The following RTN4 variants were observed in gnomAD, a reference collection of about 807,000 sequenced individuals.
RTN4 encodes reticulon-4.
In RTN4, 32 loss-of-function variants were observed where a neutral mutation model predicts 90.4. The observed-to-expected ratio is 0.35, with a 90% CI of 0.27 to 0.48. The LOEUF is 0.48. Ranked by LOEUF, RTN4 falls within the 20% of genes least tolerant of loss-of-function variation. The pLI is 0.99. For synonymous variants in RTN4, 629 were observed against 552.5 expected, an observed-to-expected ratio of 1.14 and a Z score of -1.94; for missense variants, 1,706 against 1,430.2, an observed-to-expected ratio of 1.19 and a Z score of -3.11.
intron 1 of RTN4, among the ~76,000 whole-genome samples, chr2:55,095,996 A>T (rs575157734): frequency 4.9e-4 from 74 of 152,172 alleles, no homozygotes; most frequent in Middle Eastern, 3.4e-3. Flanking sequence ...TGGGAGAGAG[A>T]CTACAGAGGT....
chr2:54,988,593 C>T (rs1678765146), intron 3 of RTN4, among the ~76,000 whole-genome samples: 1 of 152,046 alleles, frequency 6.6e-6, no homozygotes, highest in African/African-American at 2.4e-5. Flanking sequence ...GTAACTTAAC[C>T]TGGCTATCAT....
At chr2:54,989,551 T>C (rs890208366) in intron 3 of RTN4, among the ~76,000 whole-genome samples, 7 of 152,322 alleles carry the variant, frequency 4.6e-5, no homozygotes, top group African/African-American at 1.7e-4. Flanking sequence ...GCAACGCTAA[T>C]AGGTTTCTGG....
intron 3 of RTN4, among the ~76,000 whole-genome samples, chr2:55,022,698 C>A (rs578132194): frequency 6.6e-6 from 1 of 152,202 alleles, no homozygotes; most frequent in South Asian, 2.1e-4. Flanking sequence ...TTCCTCTCCA[C>A]CCCTAGTCCT....
At chr2:55,085,662 T>A (rs968536754) in intron 1 of RTN4, among the ~76,000 whole-genome samples, 50 of 152,132 alleles carry the variant, frequency 3.3e-4, no homozygotes, top group Non-Finnish European at 5.9e-5. Context: ...GCCTAACAAA[T>A]TCAAACATAA....
chr2:54,999,691 A>C (rs964376435), intron 3 of RTN4, among the ~76,000 whole-genome samples: 11 of 152,134 alleles, frequency 7.2e-5, no homozygotes, highest in Non-Finnish European at 1.3e-4. Context: ...TGTTTATAAT[A>C]ATAAGTAATT....
intron 1 of RTN4, among the ~76,000 whole-genome samples, chr2:55,086,596 C>T (rs773758881): frequency 1.3e-5 from 2 of 151,850 alleles, no homozygotes; most frequent in Non-Finnish European, 1.5e-5. Context: ...CTCAAGCCCA[C>T]GATTTCGAGG....
chr2:54,982,461 T>C, intron 5 of RTN4, 54 bp downstream of exon 5: 1 of 1,486,582 alleles, frequency 6.7e-7, no homozygotes, highest in Non-Finnish European at 9.2e-7. Context: ...TACACTCAAC[T>C]CTCTTGATAC....
chr2:55,083,446 A>C (rs1668759596), intron 1 of RTN4, among the ~76,000 whole-genome samples: 1 of 152,106 alleles, frequency 6.6e-6, no homozygotes, highest in African/African-American at 2.4e-5. Context: ...CAGTGAGCCA[A>C]GATTGCGCCA....
chr2:55,033,174 G>T (rs1249611070), intron 1 of RTN4, among the ~76,000 whole-genome samples: 1 of 151,464 alleles, frequency 6.6e-6, no homozygotes, highest in East Asian at 1.9e-4. Context: ...CCACAAAAAG[G>T]CACACCATAA....
At chr2:55,128,810 A>AG in the RTN4 span, among the ~76,000 whole-genome samples, 10 of 151,602 alleles carry the variant, frequency 6.6e-5, no homozygotes, top group East Asian at 5.8e-4. Context: ...AAAAAAAAAA[A>AG]GGGGTGGGAG....
At chr2:55,120,756 C>CGGGCGGGCTGTGTGGG in the RTN4 span, among the ~76,000 whole-genome samples, 58 of 152,134 alleles carry the variant, frequency 3.8e-4, no homozygotes, top group East Asian at 0.011. Flanking sequence ...AGGCAGGGCT[C>CGGGCGGGCTGTGTGGG]GGGCGGGCTG....
rs756582903 is a variant in RTN4, at chr2:55,025,683, T to G, written c.2416A>C (p.Ser806Arg). Residue 806 changes from serine (S) to arginine (R), a missense_variant, in exon 3 of 9, where the codon AGT becomes CGT. Transcript: ENST00000337526. ...GKPYLESFKLSLDNTKDTLLP... is the reference protein window; with the variant it reads ...GKPYLESFKLRLDNTKDTLLP... ...AGGGTATCTTTTGTGTTATCTAAAC[T>G]GAGCTTAAAAGATTCCAAATATGGC... The G allele has an allele frequency of 2.5e-6, 4 of 1,613,842 alleles. No individual in the cohort carries two copies. The highest frequency in any genetic ancestry group is 3.4e-6 in the Non-Finnish European group (4 of 1,179,822).
chr2:54,974,622 C>G (rs908750175), intron 6 of RTN4, 73 bp downstream of exon 6: 5 of 1,181,408 alleles, frequency 4.2e-6, no homozygotes, highest in Non-Finnish European at 6.3e-6. Flanking sequence ...AGAATATTCT[C>G]CACTAAAATG....
chr2:55,014,899 T>C (rs991561505), intron 3 of RTN4, among the ~76,000 whole-genome samples: 4 of 152,164 alleles, frequency 2.6e-5, no homozygotes, highest in Non-Finnish European at 4.4e-5. Flanking sequence ...AATGTCTTCA[T>C]TTAAGTATCC....
At chr2:54,995,065 C>G (rs1323840736) in intron 3 of RTN4, among the ~76,000 whole-genome samples, 1 of 151,982 alleles carries the variant, frequency 6.6e-6, no homozygotes, top group African/African-American at 2.4e-5. Context: ...CATGGTGAAA[C>G]CCCATCTCTA....
At chr2:55,078,995 T>C (rs1668654726) in intron 2 of RTN4, among the ~76,000 whole-genome samples, 1 of 152,198 alleles carries the variant, frequency 6.6e-6, no homozygotes, top group African/African-American at 2.4e-5. Context: ...AGTAGACCTC[T>C]TAAGAGGCCA....
intron 3 of RTN4, among the ~76,000 whole-genome samples, chr2:55,010,784 T>G (rs1558800597): frequency 6.6e-6 from 1 of 152,170 alleles, no homozygotes; most frequent in South Asian, 2.1e-4. Context: ...AACATATTAT[T>G]TGAACAGAAA....
intron 2 of RTN4, among the ~76,000 whole-genome samples, chr2:55,063,295 C>T (rs1668332786): frequency 6.6e-6 from 1 of 152,166 alleles, no homozygotes; most frequent in Non-Finnish European, 1.5e-5. Context: ...AAGGAGGTTA[C>T]ATTTAAGTGG....
At chr2:55,067,280 T>A (rs1033707265) in intron 2 of RTN4, among the ~76,000 whole-genome samples, 2 of 152,188 alleles carry the variant, frequency 1.3e-5, no homozygotes, top group African/African-American at 4.8e-5. Context: ...AGGATTAAAT[T>A]GTTGATGCAT....
Sources: gnomAD v4.1 joint callset for allele counts (sites outside exome capture counted in the v4.1 genomes callset) on GRCh38, gnomAD v4.1.1 for gene constraint, MANE v1.5 for transcripts, NCBI Gene and HGNC (gene_info 2026-07-23, HGNC 2026-07-21) for gene names.